Variants in CCDC66 observed in about 807,000 individuals in gnomAD.
CCDC66 encodes coiled-coil domain containing 66, also known as coiled-coil domain-containing protein 66.
A neutral mutation model predicts 128.3 loss-of-function variants in CCDC66; 133 were observed. The observed-to-expected ratio is 1.04, with a 90% confidence interval of 0.90 to 1.20. The LOEUF (loss-of-function observed/expected upper bound fraction) is 1.20. Among genes scored for constraint, CCDC66 ranks in the 50% most tolerant of loss-of-function variants. The pLI, the probability that CCDC66 is intolerant of heterozygous loss-of-function variation, is 0.00. For missense variants in CCDC66, 1,126 were observed against 1,075.5 expected, an observed-to-expected ratio of 1.05 and a Z score of -0.66; for synonymous variants, 387 against 357.0, an observed-to-expected ratio of 1.08 and a Z score of -0.95.
At chr3:56,602,957 C>T (rs1301112072) in intron 10 of CCDC66, among the ~76,000 whole-genome samples, 1 of 151,230 alleles carries the variant, frequency 6.6e-6, no homozygotes, top group Non-Finnish European at 1.5e-5. Context: ...GCCTCAGCCT[C>T]CTGAGTAGCT....
intron 7 of CCDC66, chr3:56,572,361 T>C (rs1026847794): frequency 1.6e-6 from 2 of 1,289,686 alleles, no homozygotes; most frequent in Non-Finnish European, 1.0e-6. Context: ...TATCACAGTC[T>C]CGTAGCCAGG....
intron 1 of CCDC66, 83 bp downstream of exon 1, chr3:56,557,336 C>T (rs1297818375): frequency 1.3e-6 from 2 of 1,512,316 alleles, no homozygotes; most frequent in African/African-American, 2.8e-5. Flanking sequence ...TGGGTTGTCC[C>T]TTGGAGTCTT....
chr3:56,596,255 C>G (rs146376556), intron 10 of CCDC66, among the ~76,000 whole-genome samples: 1 of 151,974 alleles, frequency 6.6e-6, no homozygotes, highest in Admixed American at 6.6e-5. Flanking sequence ...CTAACTGAGG[C>G]GATATGATAT....
At chr3:56,596,213 C>T (rs965862594) in intron 10 of CCDC66, among the ~76,000 whole-genome samples, 2 of 152,130 alleles carry the variant, frequency 1.3e-5, no homozygotes, top group South Asian at 4.1e-4. Context: ...GCCACCGGGC[C>T]CAGCATTTTT....
intron 4 of CCDC66, among the ~76,000 whole-genome samples, chr3:56,564,567 C>T (rs911932392): frequency 2.6e-5 from 4 of 152,120 alleles, no homozygotes; most frequent in Non-Finnish European, 4.4e-5. Context: ...TCTTCCTGTT[C>T]CTCATTCCAT....
chr3:56,580,769 T>G (rs2068221563), intron 7 of CCDC66, among the ~76,000 whole-genome samples: 1 of 151,948 alleles, frequency 6.6e-6, no homozygotes, highest in African/African-American at 2.4e-5. Flanking sequence ...GAGTTTCTGC[T>G]TAGGGATCCA....
chr3:56,584,491 A>G (rs913879776), intron 7 of CCDC66, among the ~76,000 whole-genome samples: 29 of 148,288 alleles, frequency 2.0e-4, no homozygotes, highest in Non-Finnish European at 2.8e-4. Context: ...CACATCCCAG[A>G]CGGGGCGGCA....
chr3:56,591,179 A>G (rs2070827076), intron 7 of CCDC66, among the ~76,000 whole-genome samples: 1 of 152,262 alleles, frequency 6.6e-6, no homozygotes, highest in South Asian at 2.1e-4. Flanking sequence ...AAGTGGTAGT[A>G]GCTTTGTAAG....
chr3:56,621,830 A>AC lies in CCDC66; in HGVS notation c.*212_*213insC. On this transcript the variant is annotated 3_prime_UTR_variant, in exon 18 of 18. Coordinates refer to ENST00000394672, the MANE Select transcript of CCDC66 (RefSeq NM_001141947.3). ...AAAAGCTTAGTAGTAAAAAAAAAAA[A>AC]AAAAAAACCGGTTCTTCTGCTCTGT... The AC allele has an allele frequency of 3.6e-6, 1 of 277,530 alleles. No individual in the cohort carries two copies. The highest frequency in any genetic ancestry group is 5.0e-5 in the Admixed American group (1 of 20,162). The allele number at this position is 277,530 out of a possible 1,614,324, so 17.2% of individuals were successfully genotyped here.
At chr3:56,593,872 A>T in intron 9 of CCDC66, 72 bp from the exon 10 acceptor site, 1 of 1,590,182 alleles carries the variant, frequency 6.3e-7, no homozygotes, top group East Asian at 2.2e-5. Flanking sequence ...GATTTATCCC[A>T]AACAAAAATG....
chr3:56,597,773 TGGGG>T (rs370349523), intron 10 of CCDC66, among the ~76,000 whole-genome samples: 3 of 86,784 alleles, frequency 3.5e-5, no homozygotes, highest in African/African-American at 8.8e-5. Context: ...GGTTTTGTTT[TGGGG>T]TTTTTTTTTT....
chr3:56,596,758 ATT>A (rs35527957), intron 10 of CCDC66, among the ~76,000 whole-genome samples: 1,933 of 96,862 alleles, frequency 0.02, 34 homozygotes, highest in South Asian at 0.061. Flanking sequence ...TCCATCTTGA[ATT>A]TTTTTTTTTT....
intron 11 of CCDC66, among the ~76,000 whole-genome samples, chr3:56,614,317 T>C (rs963419244): frequency 2.0e-5 from 3 of 152,188 alleles, no homozygotes; most frequent in Admixed American, 2.0e-4. Flanking sequence ...GTGCTTCATT[T>C]TTATCTACTC....
At chr3:56,582,195 G>A (rs984585264) in intron 7 of CCDC66, among the ~76,000 whole-genome samples, 1 of 151,938 alleles carries the variant, frequency 6.6e-6, no homozygotes, top group Non-Finnish European at 1.5e-5. Context: ...GGCTCCGTGG[G>A]CGTGGGACCC....
Position 56,621,731 on chromosome 3 carries a change from C to T in CCDC66, c.*113C>T. The T allele has an allele frequency of 3.2e-6, 2 of 634,230 alleles. No homozygotes were observed. Among genetic ancestry groups the T allele is most frequent in the Admixed American group, 6.3e-5 (2 of 31,532 alleles). 39.3% of individuals were successfully genotyped at this position (634,230 alleles called of 1,614,324 possible). A position where few individuals can be genotyped will look rare whatever the true frequency, so the allele number is the denominator to read the frequency against. On this transcript the variant is annotated 3_prime_UTR_variant, in exon 18 of 18. Coordinates refer to ENST00000394672, the MANE Select transcript of CCDC66 (RefSeq NM_001141947.3). ...CTAGATTTACTTATTTTTTTAAATG[C>T]TCATTAAAAACTTGTATACTATGTA...
At chr3:56,584,927 CA>C (rs942271360) in intron 7 of CCDC66, among the ~76,000 whole-genome samples, 2 of 151,826 alleles carry the variant, frequency 1.3e-5, no homozygotes, top group Non-Finnish European at 1.5e-5. Flanking sequence ...CCGTCTCCAC[CA>C]AAAAAATATG....
intron 10 of CCDC66, among the ~76,000 whole-genome samples, chr3:56,607,943 TTGAG>T (rs1351898238): frequency 6.6e-6 from 1 of 152,236 alleles, no homozygotes; most frequent in Non-Finnish European, 1.5e-5. Context: ...ATTACATTTA[TTGAG>T]TATGTTAAAC....
At chr3:56,603,921 A>G (rs1276295589) in intron 10 of CCDC66, among the ~76,000 whole-genome samples, 4 of 152,010 alleles carry the variant, frequency 2.6e-5, no homozygotes, top group African/African-American at 9.7e-5. Flanking sequence ...GTGGGAGTCT[A>G]AGTCTCTTTG....
chr3:56,573,708 G>GAGA lies in CCDC66; in HGVS notation c.936+2406_936+2407insAGA, dbSNP rs1476304733. Among the ~76,000 whole-genome samples the GAGA allele has an allele frequency of 7.6e-3, 1,148 of 151,922 alleles. 36 individuals carry two copies. Among genetic ancestry groups the GAGA allele is most frequent in the East Asian group, 0.075 (382 of 5,086 alleles). ...AGTGCTGACATCTTCTGAAGGGCTG[G>GAGA]TTTCTGTTTAGCCCTTAGGCTAAAT... On this transcript the variant is annotated intron_variant, in intron 7 of 17. Transcript: ENST00000394672.
Sources: gnomAD v4.1 joint callset for allele counts (sites outside exome capture counted in the v4.1 genomes callset) on GRCh38, gnomAD v4.1.1 for gene constraint, MANE v1.5 for transcripts, NCBI Gene and HGNC (gene_info 2026-07-23, HGNC 2026-07-21) for gene names.